C5orf24: variants seen among roughly 807,000 people sequenced by gnomAD.
C5orf24 encodes chromosome 5 open reading frame 24.
C5orf24 carries 4 observed loss-of-function variants against 9.8 expected under a neutral mutation model. The ratio of observed to expected loss-of-function variants is 0.41; its 90% CI spans 0.20 to 0.93. The LOEUF (loss-of-function observed/expected upper bound fraction) is 0.93. Ranked by LOEUF, C5orf24 falls within the 40% of genes least tolerant of loss-of-function variation. The pLI is 0.33. For missense variants in C5orf24, 170 were observed against 236.9 expected, an observed-to-expected ratio of 0.72 and a Z score of 1.85; for synonymous variants, 73 against 81.3, an observed-to-expected ratio of 0.90 and a Z score of 0.55.
At chr5:134,843,878 T>TA (rs1755935815), upstream of C5orf24, among the ~76,000 whole-genome samples, 1 of 152,178 alleles carries the variant, frequency 6.6e-6, no homozygotes, top group African/African-American at 2.4e-5. Context: ...TAAATAGTCC[T>TA]ATTACCTTAT....
chr5:134,840,924 T>G (rs1755882976), upstream of C5orf24, among the ~76,000 whole-genome samples: 1 of 152,218 alleles, frequency 6.6e-6, no homozygotes, highest in African/African-American at 2.4e-5. Context: ...TGATCAGTTT[T>G]CAGTCCCTCA....
At chr5:134,845,269 A>G (rs1282358409), upstream of C5orf24, among the ~76,000 whole-genome samples, 3 of 152,108 alleles carry the variant, frequency 2.0e-5, no homozygotes, top group African/African-American at 7.2e-5. Flanking sequence ...ATCCTCAAAT[A>G]TCCTTCATTA....
intron 1 of C5orf24, 49 bp from the exon 2 acceptor site, chr5:134,854,849 T>C (rs1457210289): frequency 6.4e-7 from 1 of 1,573,876 alleles, no homozygotes; most frequent in Non-Finnish European, 8.7e-7. Flanking sequence ...CATACAGGTA[T>C]GTATTTGTGT....
intron 1 of C5orf24, among the ~76,000 whole-genome samples, chr5:134,850,230 C>T (rs1357651136): frequency 2.0e-5 from 3 of 151,838 alleles, no homozygotes; most frequent in African/African-American, 7.3e-5. Flanking sequence ...CTCACTGCAA[C>T]CTCCTCCTCC....
At chr5:134,843,129 A>G (rs1006760550), upstream of C5orf24, among the ~76,000 whole-genome samples, 1 of 151,688 alleles carries the variant, frequency 6.6e-6, no homozygotes, top group Non-Finnish European at 1.5e-5. Flanking sequence ...GATGTGCACC[A>G]TCACACCTGG....
At chr5:134,845,485 T>C (rs567644411), upstream of C5orf24, among the ~76,000 whole-genome samples, 8 of 152,212 alleles carry the variant, frequency 5.3e-5, no homozygotes, top group Non-Finnish European at 8.8e-5. Flanking sequence ...AAAAACATAA[T>C]AGCGGTAGTT....
chr5:134,857,777 T>C lies in C5orf24; in HGVS notation c.*2310T>C, dbSNP rs1176120785. ...TAGAAATCTTTTTCAAGCCAGTTTC[T>C]AAAGACATTTGTTTAATGTTCTACC... On this transcript the variant is annotated 3_prime_UTR_variant, in exon 2 of 2. Transcript: ENST00000394976. 2 of 186,950 alleles carry C rather than the reference T, an allele frequency of 1.1e-5. No individual in the cohort carries two copies. Among genetic ancestry groups the C allele is most frequent in the African/African-American group, 4.7e-5 (2 of 42,296 alleles). The allele number at this position is 186,950 out of a possible 1,614,324, so 11.6% of individuals were successfully genotyped here. A position where few individuals can be genotyped will look rare whatever the true frequency, so the allele number is the denominator to read the frequency against.
chr5:134,855,081 G>A lies in C5orf24; in HGVS notation c.181G>A (p.Glu61Lys). The change falls in exon 2 of 2, where the codon GAA (glutamate) becomes AAA (lysine). Residue 61 changes from glutamate (E) to lysine (K), a missense_variant. Coordinates refer to ENST00000394976, the MANE Select transcript of C5orf24 (RefSeq NM_001135586.1). ...TTGTCAGAGGCAAGACCCATTAAATGAAACACACTTGCAGACTACAAGTGG... is the reference window on the plus strand; with the variant it reads ...TTGTCAGAGGCAAGACCCATTAAATAAAACACACTTGCAGACTACAAGTGG... ...MVCQRQDPLN[E>K]THLQTTSGRS... The A allele has an allele frequency of 6.2e-7, 1 of 1,614,090 alleles. No individual in the cohort carries two copies. The highest frequency in any genetic ancestry group is 8.5e-7 in the Non-Finnish European group (1 of 1,180,020).
upstream of C5orf24, among the ~76,000 whole-genome samples, chr5:134,843,185 C>G (rs1296577765): frequency 6.6e-6 from 1 of 152,040 alleles, no homozygotes; most frequent in African/African-American, 2.4e-5. Context: ...TCATGTTGGC[C>G]AGGCTGTTCT....
At chr5:134,834,002 T>C in the C5orf24 span, among the ~76,000 whole-genome samples, 13 of 150,062 alleles carry the variant, frequency 8.7e-5, no homozygotes, top group Non-Finnish European at 1.3e-4. Context: ...AAAAAAAATA[T>C]GAAGTAAAAA....
chr5:134,856,666 A>C lies in C5orf24; in HGVS notation c.*1199A>C. 1.3e-6 allele frequency: 1 copy of C among 789,282 alleles called. No homozygotes were observed. The highest frequency in any genetic ancestry group is 1.6e-6 in the Non-Finnish European group (1 of 638,134). The allele number at this position is 789,282 out of a possible 1,614,324, so 48.9% of individuals were successfully genotyped here. On this transcript the variant is annotated 3_prime_UTR_variant, in exon 2 of 2. Transcript: ENST00000394976. The stretch of plus-strand genomic sequence containing the variant: ...AAATAAATAAATAAATAAATAAATA[A>C]ATAAATAAATAAATAAAACCATTTA...
At chr5:134,840,328 G>GGC in the C5orf24 span, among the ~76,000 whole-genome samples, 1 of 117,202 alleles carries the variant, frequency 8.5e-6, no homozygotes, top group East Asian at 2.9e-4. Flanking sequence ...AAAAAAAAAA[G>GGC]AACAGGGAAG....
chr5:134,836,569 A>T, the C5orf24 span, among the ~76,000 whole-genome samples: 2,127 of 151,894 alleles, frequency 0.014, 53 homozygotes, highest in African/African-American at 0.049. Context: ...TTTGAGATGG[A>T]GTCTCACTCT....
chr5:134,850,865 C>G (rs1369697981), intron 1 of C5orf24, among the ~76,000 whole-genome samples: 2 of 151,062 alleles, frequency 1.3e-5, no homozygotes, highest in East Asian at 3.9e-4. Context: ...AAAAGCCTAA[C>G]ATAATGTAAG....
the C5orf24 span, among the ~76,000 whole-genome samples, chr5:134,839,944 C>T: frequency 6.6e-6 from 1 of 152,108 alleles, no homozygotes; most frequent in Non-Finnish European, 1.5e-5. Flanking sequence ...GATCTGCCTG[C>T]CTCAGGCTCC....
rs1200549836 is a variant in C5orf24 at position 134,859,122 on chromosome 5, T to C, written c.*3655T>C. 1 of 166,952 alleles carries C rather than the reference T, an allele frequency of 6.0e-6. No homozygotes were observed. Among genetic ancestry groups the C allele is most frequent in the Non-Finnish European group, 1.5e-5 (1 of 68,048 alleles). 10.3% of individuals were successfully genotyped at this position (166,952 alleles called of 1,614,324 possible). ...AAGAAAAAAAAAAGTAAATTTCTCC[T>C]TTATATTCTAAGAAGCTTTAAAAGA... is the stretch of plus-strand genomic sequence containing the variant. On this transcript the variant is annotated 3_prime_UTR_variant, in exon 2 of 2. Coordinates refer to ENST00000394976, the MANE Select transcript of C5orf24 (RefSeq NM_001135586.1).
rs193092391 is a variant in C5orf24 at position 134,855,317 on chromosome 5, C to T, written c.417C>T (p.Gly139=). The change falls in exon 2 of 2, where the codon GGC becomes GGT. Residue 139 remains glycine (G), a synonymous_variant. Coordinates refer to ENST00000394976, the MANE Select transcript of C5orf24 (RefSeq NM_001135586.1). ...CTGCGGGATACAAAGTCAGCCCAGGCAGACCTCCAGGTAGCATTAAAGCTC... is the reference window on the plus strand; with the variant it reads ...CTGCGGGATACAAAGTCAGCCCAGGTAGACCTCCAGGTAGCATTAAAGCTC... The part of the protein sequence containing the change: ...TKAAGYKVSP[G]RPPGSIKALS... The T allele has an allele frequency of 1.2e-6, 2 of 1,614,118 alleles. No homozygotes were observed. The highest frequency in any genetic ancestry group is 2.2e-5 in the East Asian group (1 of 44,878).
chr5:134,846,776 A>T (rs965366450), intron 1 of C5orf24: 1 of 152,174 alleles, frequency 6.6e-6, no homozygotes, highest in East Asian at 1.9e-4. Flanking sequence ...GCCGTTATTT[A>T]TGTGCCGTCC....
Position 134,855,620 on chromosome 5 carries a change from C to T in C5orf24, c.*153C>T. Reference sequence around the variant, plus strand: ...TTTCCTGCTTTTGCTCAAAAACTGCCATATGCTGACAGATGCACTCAGGGC... The same window carrying T: ...TTTCCTGCTTTTGCTCAAAAACTGCTATATGCTGACAGATGCACTCAGGGC... On this transcript the variant is annotated 3_prime_UTR_variant, in exon 2 of 2. Transcript: ENST00000394976. The T allele has an allele frequency of 6.8e-7, 1 of 1,478,728 alleles. No individual in the cohort carries two copies. The highest frequency in any genetic ancestry group is 1.4e-5 in the African/African-American group (1 of 70,146). 91.6% of individuals were successfully genotyped at this position (1,478,728 alleles called of 1,614,324 possible).
Sources: allele counts gnomAD v4.1 joint callset (sites outside exome capture counted in the v4.1 genomes callset), GRCh38; gene constraint gnomAD v4.1.1; transcripts MANE v1.5; gene names NCBI Gene and HGNC (gene_info 2026-07-23, HGNC 2026-07-21).